Variants in CALN1 observed in about 807,000 individuals in gnomAD.
CALN1 encodes the protein calneuron 1, also known as calcium-binding protein 8.
CALN1 carries 17 observed loss-of-function variants against 30.6 expected under a neutral mutation model. The ratio of observed to expected loss-of-function variants is 0.56; its 90% CI spans 0.38 to 0.83. CALN1 has a LOEUF of 0.83. CALN1 is among the 40% of genes least tolerant of loss of function. The pLI is 0.00. For synonymous variants in CALN1, 156 were observed against 131.4 expected, an observed-to-expected ratio of 1.19 and a Z score of -1.28; for missense variants, 291 against 354.9, an observed-to-expected ratio of 0.82 and a Z score of 1.45.
chr7:72,389,947 GA>G (rs1805471327), intron 2 of CALN1, among the ~76,000 whole-genome samples: 1 of 148,284 alleles, frequency 6.7e-6, no homozygotes, highest in African/African-American at 2.5e-5. Context: ...AAAGAAGAAA[GA>G]AAAGAAAAAA....
intron 4 of CALN1, among the ~76,000 whole-genome samples, chr7:72,037,886 C>G (rs1801898947): frequency 6.6e-6 from 1 of 152,224 alleles, no homozygotes; most frequent in African/African-American, 2.4e-5. Flanking sequence ...CTTGTAGAGG[C>G]AATTGCTTTT....
Position 72,366,818 on chromosome 7 carries a change from G to A in CALN1, c.119+36433C>T, listed in dbSNP as rs75125236. On this transcript the variant is annotated intron_variant, in intron 2 of 6. Coordinates refer to ENST00000395275, the MANE Select transcript of CALN1 (RefSeq NM_031468.4). ...ATGACCTGGCAGTTTCTTTCTCAGG[G>A]ATATAACCAACAAAAAAAAAGGTGT... is the stretch of plus-strand genomic sequence containing the variant. Among the ~76,000 whole-genome samples the A allele has an allele frequency of 9.8e-3, 1,179 of 120,460 alleles. 17 individuals carry two copies. The highest frequency in any genetic ancestry group is 0.034 in the African/African-American group (1,123 of 32,744). 79.0% of individuals were successfully genotyped at this position (120,460 alleles called of 152,430 possible).
intron 3 of CALN1, among the ~76,000 whole-genome samples, chr7:72,193,928 G>T (rs1004070251): frequency 2.0e-5 from 3 of 151,640 alleles, no homozygotes; most frequent in African/African-American, 7.3e-5. Flanking sequence ...AAAGGCATAA[G>T]AATAATACAA....
intron 5 of CALN1, among the ~76,000 whole-genome samples, chr7:71,974,806 C>T (rs1174044119): frequency 1.3e-5 from 2 of 152,222 alleles, no homozygotes; most frequent in East Asian, 3.8e-4. Flanking sequence ...CGGTCACCAC[C>T]TGGCCTACGG....
At chr7:72,027,740 C>A (rs1305569108) in intron 4 of CALN1, among the ~76,000 whole-genome samples, 1 of 149,564 alleles carries the variant, frequency 6.7e-6, no homozygotes, top group African/African-American at 2.5e-5. Context: ...CACACACACA[C>A]ACACACACAC....
chr7:72,457,265 T>G, the CALN1 span, among the ~76,000 whole-genome samples: 1 of 152,136 alleles, frequency 6.6e-6, no homozygotes, highest in Non-Finnish European at 1.5e-5. Flanking sequence ...AGCTTAGTCT[T>G]TTTAACATGC....
chr7:71,947,777 T>C (rs1302342986), intron 5 of CALN1, among the ~76,000 whole-genome samples: 1 of 151,762 alleles, frequency 6.6e-6, no homozygotes, highest in East Asian at 1.9e-4. Flanking sequence ...CCTGCCTCTA[T>C]TAAAAATACA....
chr7:72,448,840 C>G (rs565620795), upstream of CALN1, among the ~76,000 whole-genome samples: 1 of 152,292 alleles, frequency 6.6e-6, no homozygotes, highest in East Asian at 1.9e-4. Flanking sequence ...CTCCTGACCT[C>G]ATGATCTTCC....
intron 3 of CALN1, among the ~76,000 whole-genome samples, chr7:72,159,101 C>T (rs1490869966): frequency 6.6e-6 from 1 of 152,072 alleles, no homozygotes; most frequent in Non-Finnish European, 1.5e-5. Context: ...TTCCACCCAC[C>T]TCAACCTCTC....
At chr7:72,070,140 C>G (rs937772371) in intron 4 of CALN1, among the ~76,000 whole-genome samples, 3 of 152,184 alleles carry the variant, frequency 2.0e-5, no homozygotes, top group African/African-American at 7.2e-5. Flanking sequence ...GCAAAGAAAA[C>G]AGCCTCTCTG....
intron 4 of CALN1, among the ~76,000 whole-genome samples, chr7:72,034,033 G>A (rs1481761430): frequency 6.6e-6 from 1 of 152,116 alleles, no homozygotes; most frequent in Non-Finnish European, 1.5e-5. Flanking sequence ...TGTCTGGTTT[G>A]CGACACCAAA....
intron 3 of CALN1, among the ~76,000 whole-genome samples, chr7:72,227,843 A>T (rs1793800922): frequency 6.7e-6 from 1 of 149,616 alleles, no homozygotes; most frequent in South Asian, 2.1e-4. Context: ...GATGAGAAGT[A>T]GAGGCACCAG....
chr7:72,295,819 T>C (rs1460477992), intron 2 of CALN1, among the ~76,000 whole-genome samples: 1 of 151,670 alleles, frequency 6.6e-6, no homozygotes. Context: ...AGAGGGACAA[T>C]TTGACTTCCT....
At chr7:72,335,325 C>CT (rs918297898) in intron 2 of CALN1, among the ~76,000 whole-genome samples, 2 of 152,170 alleles carry the variant, frequency 1.3e-5, no homozygotes, top group African/African-American at 2.4e-5. Context: ...AATAATTTCC[C>CT]TTTTTGAGCA....
At chr7:72,118,853 C>T (rs956942343) in intron 3 of CALN1, among the ~76,000 whole-genome samples, 5 of 152,184 alleles carry the variant, frequency 3.3e-5, no homozygotes, top group Non-Finnish European at 7.3e-5. Flanking sequence ...TGGTTCTAGA[C>T]TCCACTGCTA....
At chr7:71,974,417 C>CAAAA (rs1052896558) in intron 5 of CALN1, among the ~76,000 whole-genome samples, 11 of 55,026 alleles carry the variant, frequency 2.0e-4, no homozygotes, top group African/African-American at 3.1e-4. Flanking sequence ...GACTCCATCT[C>CAAAA]AAAAAAAAAA....
At chr7:71,849,218 T>C (rs775749593) in intron 5 of CALN1, among the ~76,000 whole-genome samples, 3 of 152,192 alleles carry the variant, frequency 2.0e-5, no homozygotes, top group Non-Finnish European at 4.4e-5. Flanking sequence ...CTCCAATAGA[T>C]AGGCAGTTGC....
At chr7:72,397,097 G>A (rs1274343427) in intron 2 of CALN1, among the ~76,000 whole-genome samples, 1 of 152,058 alleles carries the variant, frequency 6.6e-6, no homozygotes, top group Non-Finnish European at 1.5e-5. Context: ...GTTTTGCAGA[G>A]ATGGAGTCTC....
chr7:71,959,743 G>A (rs1752927207), intron 5 of CALN1, among the ~76,000 whole-genome samples: 1 of 152,122 alleles, frequency 6.6e-6, no homozygotes, highest in East Asian at 1.9e-4. Context: ...AGACTCCATG[G>A]TGCTCATAGG....
Sources: gnomAD v4.1 joint callset for allele counts (sites outside exome capture counted in the v4.1 genomes callset) on GRCh38, gnomAD v4.1.1 for gene constraint, MANE v1.5 for transcripts, NCBI Gene and HGNC (gene_info 2026-07-23, HGNC 2026-07-21) for gene names.